The following RTN4IP1 variants were observed in gnomAD, a reference collection of about 807,000 sequenced individuals.
The protein encoded by RTN4IP1 is NAD(P)H oxidoreductase RTN4IP1, mitochondrial.
RTN4IP1 carries 32 observed loss-of-function variants against 46.6 expected under a neutral mutation model. The observed-to-expected ratio is 0.69, with a 90% CI of 0.52 to 0.92. The LOEUF is 0.92. Among genes scored for constraint, RTN4IP1 ranks in the 40% least tolerant of loss-of-function variants. The probability of loss-of-function intolerance (pLI) is 0.00; values close to 1 mark genes in which losing one functional copy is unlikely to be tolerated. For synonymous variants in RTN4IP1, 167 were observed against 161.8 expected (o/e 1.03, Z -0.24); for missense variants, 424 against 485.8 (o/e 0.87, Z 1.20).
Position 106,602,881 on chromosome 6 carries a change from G to A in RTN4IP1, c.662C>T (p.Ala221Val). ...ATTAAAAAATGGTTTTACCTGTATAGCAAAAGTACCAACTCCGCCTGAAGC... is the reference window on the plus strand; with the variant it reads ...ATTAAAAAATGGTTTTACCTGTATAACAAAAGTACCAACTCCGCCTGAAGC... ...LGASGGVGTFAIQVMKAWDAH... is the reference protein window; with the variant it reads ...LGASGGVGTFVIQVMKAWDAH... The change falls in exon 5 of 9, where the codon GCT becomes GTT. Residue 221 changes from alanine (A) to valine (V), a missense_variant. Transcript: ENST00000369063. The A allele has an allele frequency of 6.2e-7, 1 of 1,600,974 alleles. No homozygotes were observed. Among genetic ancestry groups the A allele is most frequent in the Non-Finnish European group, 8.5e-7 (1 of 1,174,974 alleles).
intron 5 of RTN4IP1, among the ~76,000 whole-genome samples, chr6:106,592,805 T>C (rs898635347): frequency 1.3e-5 from 2 of 152,066 alleles, no homozygotes; most frequent in African/African-American, 4.8e-5. Context: ...GGCGGGCACC[T>C]GTAATCCCAG....
At chr6:106,603,162 T>C (rs1263934463) in intron 4 of RTN4IP1, among the ~76,000 whole-genome samples, 1 of 152,194 alleles carries the variant, frequency 6.6e-6, no homozygotes, top group Non-Finnish European at 1.5e-5. Flanking sequence ...ATACCGAAAA[T>C]ACCAATAATT....
At chr6:106,588,908 C>T (rs1055006597) in intron 6 of RTN4IP1, among the ~76,000 whole-genome samples, 5 of 151,562 alleles carry the variant, frequency 3.3e-5, no homozygotes, top group Admixed American at 6.6e-5. Flanking sequence ...GTCAGGAGTT[C>T]GAGACCAGCC....
rs190931359 is a variant in RTN4IP1 at position 106,603,673 on chromosome 6, A to G, written c.621-751T>C. On this transcript the variant is annotated intron_variant, in intron 4 of 8. Transcript: ENST00000369063. ...ATGATGCATATGCTTATTGACAAGG[A>G]AAGGAATCTAGACCTATCATCTATT... Among the ~76,000 whole-genome samples, 74 of 152,334 alleles carry G rather than the reference A, an allele frequency of 4.9e-4. 1 individual carries two copies. The highest frequency in any genetic ancestry group is 5.9e-4 in the Non-Finnish European group (40 of 68,024).
chr6:106,611,970 G>A (rs933814635), intron 4 of RTN4IP1, among the ~76,000 whole-genome samples: 1 of 152,210 alleles, frequency 6.6e-6, no homozygotes, highest in Non-Finnish European at 1.5e-5. Context: ...TTTGTTATCC[G>A]AAGTGTATTC....
At chr6:106,621,094 T>A (rs1776475053) in intron 3 of RTN4IP1, among the ~76,000 whole-genome samples, 1 of 152,168 alleles carries the variant, frequency 6.6e-6, no homozygotes, top group Non-Finnish European at 1.5e-5. Flanking sequence ...GCTGGATATT[T>A]CCATGTCTCC....
chr6:106,622,890 A>C lies in RTN4IP1; in HGVS notation c.354T>G (p.Thr118=). 1 of 1,614,220 alleles carries C rather than the reference A, an allele frequency of 6.2e-7. No homozygotes were observed. The highest frequency in any genetic ancestry group is 1.7e-5 in the Admixed American group (1 of 60,028). ...VKIKGEEFPL[T]LGRDVSGVVM... Reference sequence around the variant, plus strand: ...CCACGCCAGAGACATCCCGACCCAGAGTCAGAGGAAATTCTTCTCCTTTGA... The same window carrying C: ...CCACGCCAGAGACATCCCGACCCAGCGTCAGAGGAAATTCTTCTCCTTTGA... Residue 118 remains threonine (T), a synonymous_variant, in exon 2 of 9, where the codon ACT becomes ACG. Coordinates refer to ENST00000369063, the MANE Select transcript of RTN4IP1 (RefSeq NM_032730.5).
chr6:106,601,088 C>T (rs1775936783), intron 5 of RTN4IP1, among the ~76,000 whole-genome samples: 1 of 152,114 alleles, frequency 6.6e-6, no homozygotes, highest in South Asian at 2.1e-4. Flanking sequence ...TCTTTGCTAA[C>T]ATTTTTTATT....
At chr6:106,593,050 A>G (rs527288375) in intron 5 of RTN4IP1, among the ~76,000 whole-genome samples, 7 of 152,230 alleles carry the variant, frequency 4.6e-5, no homozygotes, top group Non-Finnish European at 1.0e-4. Flanking sequence ...AATGCCACAT[A>G]TCTTCATTTG....
chr6:106,572,258 G>C (rs1775086121), intron 8 of RTN4IP1, 155 bp from the exon 9 acceptor site: 6 of 626,198 alleles, frequency 9.6e-6, no homozygotes, highest in Middle Eastern at 2.6e-4. Context: ...CAAGGGCCAT[G>C]ATGCTGCCTC....
intron 6 of RTN4IP1, among the ~76,000 whole-genome samples, chr6:106,589,870 A>G (rs557522765): frequency 9.3e-4 from 142 of 152,358 alleles, no homozygotes; most frequent in African/African-American, 3.3e-3. Flanking sequence ...TCCCCCTACT[A>G]GAAAAGTACA....
chr6:106,606,211 C>T (rs1776070069), intron 4 of RTN4IP1, among the ~76,000 whole-genome samples: 1 of 152,110 alleles, frequency 6.6e-6, no homozygotes, highest in African/African-American at 2.4e-5. Context: ...CGCTTGAGTC[C>T]AGGAGTTCAA....
chr6:106,577,748 T>C (rs1582856139), intron 8 of RTN4IP1, among the ~76,000 whole-genome samples: 1 of 152,054 alleles, frequency 6.6e-6, no homozygotes, highest in East Asian at 1.9e-4. Flanking sequence ...TCAGGGTCCT[T>C]ATAAGGGGAA....
intron 8 of RTN4IP1, among the ~76,000 whole-genome samples, chr6:106,575,327 T>C (rs756901487): frequency 7.2e-5 from 11 of 152,184 alleles, no homozygotes; most frequent in Non-Finnish European, 1.0e-4. Flanking sequence ...CTTGGATTCA[T>C]GTGTGGGGTG....
rs184244240 is a variant in RTN4IP1, at chr6:106,605,446, A to G, written c.621-2524T>C. On this transcript the variant is annotated intron_variant, in intron 4 of 8. Coordinates refer to ENST00000369063, the MANE Select transcript of RTN4IP1 (RefSeq NM_032730.5). ...TCTCAAAAAAAAAAAAAAAGTGCCT[A>G]ACAGCCTCCACAAACTACAGCGTAA... Among the ~76,000 whole-genome samples the G allele has an allele frequency of 9.0e-3, 1,355 of 150,588 alleles. 35 individuals are homozygous for G. The highest frequency in any genetic ancestry group is 0.055 in the Admixed American group (825 of 15,092).
intron 5 of RTN4IP1, 35 bp from the exon 6 acceptor site, chr6:106,592,335 A>G (rs1775683730): frequency 6.2e-7 from 1 of 1,602,356 alleles, no homozygotes; most frequent in South Asian, 1.1e-5. Context: ...AGAATAAAAA[A>G]GGGAGAGATT....
At chr6:106,609,143 C>G (rs1776159845) in intron 4 of RTN4IP1, among the ~76,000 whole-genome samples, 1 of 152,254 alleles carries the variant, frequency 6.6e-6, no homozygotes, top group South Asian at 2.1e-4. Flanking sequence ...ATCTATGCCA[C>G]ACATCCTACT....
At chr6:106,586,479 C>T (rs1267186110) in intron 7 of RTN4IP1, among the ~76,000 whole-genome samples, 4 of 152,068 alleles carry the variant, frequency 2.6e-5, no homozygotes. Flanking sequence ...TCAAACCATC[C>T]TCTGGCCTCA....
At chr6:106,605,825 A>C (rs1176097154) in intron 4 of RTN4IP1, among the ~76,000 whole-genome samples, 1,601 of 19,392 alleles carry the variant, frequency 0.083, 38 homozygotes, top group South Asian at 0.25. Context: ...CCAAAAAAAA[A>C]AAAAAAAAAA....
Sources: allele counts gnomAD v4.1 joint callset (sites outside exome capture counted in the v4.1 genomes callset), GRCh38; gene constraint gnomAD v4.1.1; transcripts MANE v1.5; gene names NCBI Gene and HGNC (gene_info 2026-07-23, HGNC 2026-07-21).